ASAP3: variants seen among roughly 807,000 people sequenced by gnomAD.
ASAP3 encodes ArfGAP with SH3 domain, ankyrin repeat and PH domain 3.
Under a neutral mutation model 118.2 loss-of-function variants are expected in ASAP3, and 85 were observed. The observed-to-expected ratio is 0.72, with a 90% CI of 0.60 to 0.86. The LOEUF (loss-of-function observed/expected upper bound fraction) is 0.86, where lower values mean the gene tolerates loss of function less well. Ranked by LOEUF, ASAP3 falls within the 40% of genes least tolerant of loss-of-function variation. The pLI, the probability that ASAP3 is intolerant of heterozygous loss-of-function variation, is 0.00. For missense variants in ASAP3, 1,026 were observed against 1,175.0 expected (o/e 0.87, Z 1.85); for synonymous variants, 432 against 477.4 (o/e 0.90, Z 1.24).
At chr1:23,435,628 G>C (rs774910823) in intron 17 of ASAP3, 6 of 600,416 alleles carry the variant, frequency 1.0e-5, no homozygotes, top group Non-Finnish European at 1.5e-5. Context: ...GAGACTCAGA[G>C]AAGTAACCTG....
chr1:23,458,302 G>C lies in ASAP3; in HGVS notation c.130-2108C>G, dbSNP rs546512738. Reference sequence around the variant, plus strand: ...TCAAGACCAGCCTAGGCAATATAGTGAGACCTTGTCTCTACCGAAAAGAAA... The same window carrying C: ...TCAAGACCAGCCTAGGCAATATAGTCAGACCTTGTCTCTACCGAAAAGAAA... On this transcript the variant is annotated intron_variant, in intron 1 of 24. Coordinates refer to ENST00000336689, the MANE Select transcript of ASAP3 (RefSeq NM_017707.4). 1.0e-3 allele frequency among the ~76,000 whole-genome samples: 157 copies of C among 152,286 alleles called. 1 individual carries two copies. Among genetic ancestry groups the C allele is most frequent in the African/African-American group, 3.8e-3 (156 of 41,566 alleles).
upstream of ASAP3, chr1:23,484,360 G>A (rs1642442390): frequency 2.8e-6 from 1 of 354,522 alleles, no homozygotes; most frequent in Non-Finnish European, 4.5e-6. Flanking sequence ...CTCCGGCCCC[G>A]GTCCCGGCCC....
chr1:23,440,676 GA>G (rs1183300212), intron 10 of ASAP3, among the ~76,000 whole-genome samples: 1 of 150,482 alleles, frequency 6.6e-6, no homozygotes, highest in Non-Finnish European at 1.5e-5. Flanking sequence ...CTAACATAGT[GA>G]AACCCCGTCT....
At position 23,478,118 on chromosome 1, in the gene ASAP3, C is replaced by A. The variant is rs187914681; in HGVS notation, c.129+5887G>T. ...AAAGTCAGAATGCTCAATTGGCATT[C>A]AAAACCCTCCAAGTCTTGCTGCACC... On this transcript the variant is annotated intron_variant, in intron 1 of 24. Transcript: ENST00000336689. Among the ~76,000 whole-genome samples, 5 of 152,366 alleles carry A rather than the reference C, an allele frequency of 3.3e-5. No individual in the cohort carries two copies. In the East Asian group the frequency reaches 9.6e-4, roughly 29 times the overall value.
Position 23,484,082 on chromosome 1 carries a change from G to T in ASAP3, c.52C>A (p.Leu18Ile), listed in dbSNP as rs1266548307. Residue 18 changes from leucine (L) to isoleucine (I), a missense_variant, in exon 1 of 25, where the codon CTC becomes ATC. By Grantham distance (5) the Leu-to-Ile change is conservative. Coordinates refer to ENST00000336689, the MANE Select transcript of ASAP3 (RefSeq NM_017707.4). ...GCGGCGGCCCCAGCCGGGGAGCTGA[G>T]GTCCTCCGCGGTGACGGCCAGGAAC... ...AEFLAVTAED[L>I]SSPAGAAAFA... is the part of the protein sequence containing the mutation. The T allele has an allele frequency of 7.4e-7, 1 of 1,346,542 alleles. No homozygotes were observed. The highest frequency in any genetic ancestry group is 1.9e-5 in the South Asian group (1 of 52,972). 83.4% of individuals were successfully genotyped at this position (1,346,542 alleles called of 1,614,324 possible).
intron 1 of ASAP3, among the ~76,000 whole-genome samples, chr1:23,466,925 TG>T (rs1490341387): frequency 6.6e-6 from 1 of 152,130 alleles, no homozygotes; most frequent in Non-Finnish European, 1.5e-5. Context: ...TGGAGTGCAG[TG>T]GTGTGATCTC....
intron 1 of ASAP3, among the ~76,000 whole-genome samples, chr1:23,477,337 A>AT (rs1642162925): frequency 7.3e-6 from 1 of 136,578 alleles, no homozygotes; most frequent in Non-Finnish European, 1.5e-5. Flanking sequence ...AGATCACGCC[A>AT]CTGCACTCCA....
chr1:23,482,544 T>C (rs767476418), intron 1 of ASAP3, among the ~76,000 whole-genome samples: 1 of 151,972 alleles, frequency 6.6e-6, no homozygotes, highest in Non-Finnish European at 1.5e-5. Context: ...GCATGCTTTA[T>C]ATGCATTGTC....
At chr1:23,460,506 C>CAAAAAAAAAAAAAAA (rs71023213) in intron 1 of ASAP3, among the ~76,000 whole-genome samples, 4 of 84,798 alleles carry the variant, frequency 4.7e-5, no homozygotes, top group Non-Finnish European at 4.5e-5. Context: ...GACTCCATCT[C>CAAAAAAAAAAAAAAA]AAAAAAAAAA....
Position 23,438,759 on chromosome 1 carries a change from C to G in ASAP3, c.1090G>C (p.Asp364His). The G allele has an allele frequency of 5.6e-6, 9 of 1,614,052 alleles. No individual in the cohort carries two copies. Among genetic ancestry groups the G allele is most frequent in the Non-Finnish European group, 7.6e-6 (9 of 1,179,976 alleles). The change falls in exon 12 of 25, where the codon GAC becomes CAC. Residue 364 changes from aspartate to histidine, a missense_variant. By Grantham distance (81) the Asp-to-His change is moderately conservative. Transcript: ENST00000336689. This position sits in a 1 kb window ranked among gnomAD's most constrained non-coding sequence, Gnocchi z 4.9. Reference sequence around the variant, plus strand: ...AGGGACCACTCACGGGTCACCAGGTCGAAGCACTTTTTCTCCTCAGGGTTT... The same window carrying G: ...AGGGACCACTCACGGGTCACCAGGTGGAAGCACTTTTTCTCCTCAGGGTTT... Reference protein sequence around the residue: ...RPNPEEKKCFDLVTHNRTYHF... With the variant: ...RPNPEEKKCFHLVTHNRTYHF...
intron 1 of ASAP3, among the ~76,000 whole-genome samples, chr1:23,480,410 T>A (rs1161216933): frequency 6.6e-6 from 1 of 152,124 alleles, no homozygotes; most frequent in Non-Finnish European, 1.5e-5. Flanking sequence ...CTGAATTCAC[T>A]CCCTTGTCCT....
intron 24 of ASAP3, 76 bp from the exon 25 acceptor site, chr1:23,430,006 A>G: frequency 8.3e-7 from 1 of 1,209,748 alleles, no homozygotes. Context: ...TCAGTTTCAC[A>G]TCTGTCCTAT....
chr1:23,483,980 AC>A (rs766959430), intron 1 of ASAP3, 24 bp downstream of exon 1: 1 of 1,260,206 alleles, frequency 7.9e-7, no homozygotes, highest in South Asian at 2.8e-5. Context: ...CCGACCCCCG[AC>A]CCCTCCCGCC....
In ASAP3 at chr1:23,484,173, G is replaced by A. The variant is rs987265576; in HGVS notation, c.-40C>T. 1.3e-5 allele frequency: 16 copies of A among 1,244,932 alleles called. No homozygotes were observed. Among genetic ancestry groups the A allele is most frequent in the African/African-American group, 1.6e-5 (1 of 64,056 alleles). The allele number at this position is 1,244,932 out of a possible 1,614,324, so 77.1% of individuals were successfully genotyped here. On this transcript the variant is annotated 5_prime_UTR_variant, in exon 1 of 25. Transcript: ENST00000336689. ...TGGAGCTGCCGGAGCGGGGCGCGGG[G>A]GGCACTGAGCTGCTCCGCGCTGAGC...
intron 5 of ASAP3, among the ~76,000 whole-genome samples, chr1:23,449,278 G>T (rs754063271): frequency 1.3e-5 from 2 of 152,134 alleles, no homozygotes; most frequent in Non-Finnish European, 2.9e-5. Flanking sequence ...TATATGCACC[G>T]TGCTTATTCA....
At chr1:23,435,628 G>A (rs774910823) in intron 17 of ASAP3, 1 of 600,416 alleles carries the variant, frequency 1.7e-6, no homozygotes, top group Admixed American at 2.9e-5. Context: ...GAGACTCAGA[G>A]AAGTAACCTG....
chr1:23,459,504 C>G (rs1641499327), intron 1 of ASAP3, among the ~76,000 whole-genome samples: 1 of 152,150 alleles, frequency 6.6e-6, no homozygotes, highest in Non-Finnish European at 1.5e-5. Context: ...CCCACCTGAC[C>G]CAAGCTGGAC....
intron 1 of ASAP3, among the ~76,000 whole-genome samples, chr1:23,464,314 G>A (rs2148649365): frequency 6.6e-6 from 1 of 151,784 alleles, no homozygotes; most frequent in South Asian, 2.1e-4. Context: ...AGGCTCCTAA[G>A]TAGTTGGGAC....
Position 23,435,873 on chromosome 1 carries a change from G to A in ASAP3, c.1727C>T (p.Pro576Leu), listed in dbSNP as rs758282757. 1.4e-5 allele frequency: 23 copies of A among 1,614,258 alleles called. No homozygotes were observed. The highest frequency in any genetic ancestry group is 1.2e-4 in the South Asian group (11 of 91,092). ...CACCTGTGCATCAGGCCCTGGCAGC[G>A]GCTGTCCAAAGTCCTGCCCATTGGC... ...AFANGQDFGQ[P>L]LPGPDAQAPE... Residue 576 changes from proline to leucine, a missense_variant, in exon 17 of 25, where the codon CCG becomes CTG. Physicochemically the swap from Pro to Leu is moderately conservative, Grantham distance 98. Transcript: ENST00000336689.
Sources: allele counts gnomAD v4.1 joint callset (sites outside exome capture counted in the v4.1 genomes callset), GRCh38; gene constraint gnomAD v4.1.1; non-coding constraint Gnocchi (gnomAD v3.1); transcripts MANE v1.5; gene names NCBI Gene and HGNC (gene_info 2026-07-23, HGNC 2026-07-21).